SCAF11: variants seen among roughly 807,000 people sequenced by gnomAD.
SCAF11 encodes the protein SR-related CTD associated factor 11.
Under a neutral mutation model 140.5 loss-of-function variants are expected in SCAF11, and 47 were observed. The ratio of observed to expected loss-of-function variants is 0.33; its 90% CI spans 0.26 to 0.43. SCAF11 has a LOEUF of 0.43. Among genes scored for constraint, SCAF11 ranks in the 20% least tolerant of loss-of-function variants. The pLI is 1.00. For missense variants in SCAF11, 1,645 were observed against 1,705.1 expected (o/e 0.96, Z 0.62); for synonymous variants, 557 against 579.4 (o/e 0.96, Z 0.55).
At chr12:45,979,227 C>A (rs370637195) in intron 1 of SCAF11, among the ~76,000 whole-genome samples, 1 of 148,952 alleles carries the variant, frequency 6.7e-6, no homozygotes, top group African/African-American at 2.5e-5. Flanking sequence ...CTAATCACCT[C>A]CTAAAAGCCC....
At chr12:45,972,065 T>G (rs1946085901) in intron 1 of SCAF11, among the ~76,000 whole-genome samples, 1 of 152,248 alleles carries the variant, frequency 6.6e-6, no homozygotes, top group Non-Finnish European at 1.5e-5. Context: ...GCTGAACGTA[T>G]GTGGATTTAA....
intron 4 of SCAF11, among the ~76,000 whole-genome samples, chr12:45,951,346 G>A (rs1945544723): frequency 1.3e-5 from 2 of 152,062 alleles, no homozygotes; most frequent in Admixed American, 6.6e-5. Flanking sequence ...ATTCTAAAAT[G>A]TTAAGTATTT....
chr12:45,942,346 T>C (rs1387565656), intron 6 of SCAF11, among the ~76,000 whole-genome samples: 1 of 152,198 alleles, frequency 6.6e-6, no homozygotes, highest in East Asian at 1.9e-4. Context: ...TAGAAAAACG[T>C]CACCTAAAAT....
intron 12 of SCAF11, 144 bp from the exon 13 acceptor site, chr12:45,923,298 T>C: frequency 1.5e-6 from 1 of 648,576 alleles, no homozygotes; most frequent in South Asian, 2.0e-5. Context: ...TAATTATATC[T>C]AAAGGGCCCT....
chr12:45,933,996 A>T (rs1945113117), intron 8 of SCAF11, among the ~76,000 whole-genome samples, 180 bp downstream of exon 8: 1 of 152,098 alleles, frequency 6.6e-6, no homozygotes, highest in South Asian at 2.1e-4. Flanking sequence ...CCCAAAATTA[A>T]CAGGTTTTCT....
chr12:45,935,454 C>T (rs144505714), intron 6 of SCAF11, among the ~76,000 whole-genome samples: 67 of 152,216 alleles, frequency 4.4e-4, no homozygotes, highest in African/African-American at 1.5e-3. Context: ...AAAGATGATA[C>T]GCTGATTTTT....
chr12:45,922,312 T>A, intron 14 of SCAF11, 118 bp from the exon 15 acceptor site: 1 of 1,456,774 alleles, frequency 6.9e-7, no homozygotes, highest in Non-Finnish European at 9.3e-7. Context: ...TCATGTTTCA[T>A]TATCTCACAC....
intron 12 of SCAF11, 59 bp from the exon 13 acceptor site, chr12:45,923,213 G>T: frequency 7.0e-7 from 1 of 1,438,544 alleles, no homozygotes; most frequent in Non-Finnish European, 9.7e-7. Flanking sequence ...AAGTCTTTTA[G>T]TGATGCATTA....
intron 1 of SCAF11, among the ~76,000 whole-genome samples, chr12:45,980,481 A>G (rs572536642): frequency 1.3e-5 from 2 of 152,302 alleles, no homozygotes; most frequent in Non-Finnish European, 2.9e-5. Flanking sequence ...ACTTCATTTT[A>G]CAGTGATACT....
intron 6 of SCAF11, among the ~76,000 whole-genome samples, chr12:45,938,144 TC>T (rs1399853164): frequency 6.6e-6 from 1 of 152,190 alleles, no homozygotes; most frequent in Non-Finnish European, 1.5e-5. Flanking sequence ...TTATGTGCTG[TC>T]CCCCTCTCTC....
chr12:45,927,199 A>G lies in SCAF11; in HGVS notation c.2502T>C (p.Ser834=). Residue 834 remains serine, a synonymous_variant, in exon 11 of 15, where the codon TCT becomes TCC. Transcript: ENST00000369367. The part of the protein sequence containing the change: ...GKESRKSQSP[S]PKNESARGRK... ...GGCCTCTGGCTGACTCATTCTTAGG[A>G]GATGGTGATTGAGACTTCCTGCTTT... is the stretch of plus-strand genomic sequence containing the variant. The G allele has an allele frequency of 6.2e-7, 1 of 1,613,972 alleles. No homozygotes were observed. Among genetic ancestry groups the G allele is most frequent in the Non-Finnish European group, 8.5e-7 (1 of 1,179,992 alleles).
chr12:45,972,897 T>TATATATAGATATATAA (rs1565688754), intron 1 of SCAF11, among the ~76,000 whole-genome samples: 4 of 64,844 alleles, frequency 6.2e-5, no homozygotes, highest in African/African-American at 2.4e-4. Flanking sequence ...TATATAGATA[T>TATATATAGATATATAA]ATATATATAT....
At chr12:45,923,455 G>A (rs1321502170) in intron 12 of SCAF11, among the ~76,000 whole-genome samples, 1 of 152,036 alleles carries the variant, frequency 6.6e-6, no homozygotes, top group Non-Finnish European at 1.5e-5. Context: ...TATCTTTCCT[G>A]CAAGGATCTT....
At chr12:45,979,762 T>C (rs1179514656) in intron 1 of SCAF11, among the ~76,000 whole-genome samples, 1 of 152,158 alleles carries the variant, frequency 6.6e-6, no homozygotes, top group Non-Finnish European at 1.5e-5. Context: ...TAAATGTATA[T>C]GTATCAATGT....
intron 5 of SCAF11, among the ~76,000 whole-genome samples, chr12:45,945,536 CTTT>C (rs36058160): frequency 7.4e-5 from 9 of 122,038 alleles, no homozygotes; most frequent in Admixed American, 8.3e-5. Flanking sequence ...TTATCTCAGT[CTTT>C]TTTTTTTTTT....
At chr12:45,941,418 A>T (rs938165462) in intron 6 of SCAF11, among the ~76,000 whole-genome samples, 1 of 152,200 alleles carries the variant, frequency 6.6e-6, no homozygotes, top group Admixed American at 6.5e-5. Flanking sequence ...TTTTTCTTGT[A>T]GTGAGAACAC....
At position 45,921,526 on chromosome 12, in the gene SCAF11, T is replaced by A. The variant is rs1476862766; in HGVS notation, c.*522A>T. ...TATCTAGGCAATTTATTCAGATATG[T>A]GCTTTAAAAATACACATTAGGAACT... On this transcript the variant is annotated 3_prime_UTR_variant, in exon 15 of 15. Coordinates refer to ENST00000369367, the MANE Select transcript of SCAF11 (RefSeq NM_004719.3). 6.6e-6 allele frequency: 1 copy of A among 152,312 alleles called. No homozygotes were observed. The highest frequency in any genetic ancestry group is 6.5e-5 in the Admixed American group (1 of 15,282). The allele number at this position is 152,312 out of a possible 1,614,324, so 9.4% of individuals were successfully genotyped here. A position where few individuals can be genotyped will look rare whatever the true frequency, so the allele number is the denominator to read the frequency against.
chr12:45,957,721 G>A (rs991764647), intron 3 of SCAF11, among the ~76,000 whole-genome samples: 1 of 152,002 alleles, frequency 6.6e-6, no homozygotes, highest in Non-Finnish European at 1.5e-5. Flanking sequence ...TATGTAAAAG[G>A]GAAAAGAATG....
intron 5 of SCAF11, among the ~76,000 whole-genome samples, chr12:45,946,190 A>C (rs1234893859): frequency 6.6e-6 from 1 of 152,218 alleles, no homozygotes; most frequent in Non-Finnish European, 1.5e-5. Context: ...ACTACCAAGA[A>C]ACAAAATACC....
Sources: gnomAD v4.1 joint callset for allele counts (sites outside exome capture counted in the v4.1 genomes callset) on GRCh38, gnomAD v4.1.1 for gene constraint, MANE v1.5 for transcripts, NCBI Gene and HGNC (gene_info 2026-07-23, HGNC 2026-07-21) for gene names.